ACER3: variants seen among roughly 807,000 people sequenced by gnomAD.
The protein encoded by ACER3 is alkCDase 3.
Under a neutral mutation model 48.9 loss-of-function variants are expected in ACER3, and 16 were observed. The observed-to-expected ratio is 0.33, with a 90% CI of 0.22 to 0.50. The LOEUF is 0.50. Among genes scored for constraint, ACER3 ranks in the 20% least tolerant of loss-of-function variants. The probability of loss-of-function intolerance (pLI) is 0.98; values close to 1 mark genes in which losing one functional copy is unlikely to be tolerated. For missense variants in ACER3, 227 were observed against 326.0 expected (o/e 0.70, Z 2.34); for synonymous variants, 109 against 107.8 (o/e 1.01, Z -0.07).
chr11:76,917,757 A>T (rs570457862), intron 1 of ACER3, among the ~76,000 whole-genome samples: 1 of 148,098 alleles, frequency 6.8e-6, no homozygotes, highest in Non-Finnish European at 1.5e-5. Context: ...GCTACACAGG[A>T]GGCTGAGGTG....
chr11:76,961,301 A>G (rs917685615), intron 3 of ACER3, among the ~76,000 whole-genome samples: 4 of 152,222 alleles, frequency 2.6e-5, no homozygotes, highest in African/African-American at 9.7e-5. Flanking sequence ...TGTTCAATAC[A>G]TACATATATA....
intron 1 of ACER3, among the ~76,000 whole-genome samples, chr11:76,871,291 G>C (rs1945235037): frequency 6.6e-6 from 1 of 152,176 alleles, no homozygotes; most frequent in Non-Finnish European, 1.5e-5. Flanking sequence ...AGTTTATTTT[G>C]CCAAGGTTAA....
chr11:76,938,868 T>G (rs1305392532), intron 2 of ACER3, among the ~76,000 whole-genome samples: 1 of 151,568 alleles, frequency 6.6e-6, no homozygotes. Context: ...CTTTCTGCAC[T>G]GAAAGGAACC....
intron 1 of ACER3, among the ~76,000 whole-genome samples, chr11:76,868,429 GTGTA>G (rs1945159376): frequency 2.7e-5 from 4 of 150,434 alleles, no homozygotes; most frequent in Admixed American, 6.6e-5. Context: ...GTGTGTGTGT[GTGTA>G]TAGCCCATGG....
At chr11:76,913,623 G>C (rs1460058583) in intron 1 of ACER3, among the ~76,000 whole-genome samples, 1 of 152,078 alleles carries the variant, frequency 6.6e-6, no homozygotes, top group African/African-American at 2.4e-5. Context: ...TGGCCATACT[G>C]CCCAAGGTAA....
chr11:76,980,770 C>A (rs991856590), intron 4 of ACER3, among the ~76,000 whole-genome samples: 1 of 152,174 alleles, frequency 6.6e-6, no homozygotes. Context: ...ATTTTCAGCT[C>A]TGATATTTAG....
intron 4 of ACER3, among the ~76,000 whole-genome samples, chr11:76,981,747 A>G (rs1948589078): frequency 6.6e-6 from 1 of 152,244 alleles, no homozygotes; most frequent in Non-Finnish European, 1.5e-5. Context: ...TGTTACATAT[A>G]TCATTAGTAG....
At chr11:76,879,049 A>G (rs1945459177) in intron 1 of ACER3, among the ~76,000 whole-genome samples, 1 of 152,096 alleles carries the variant, frequency 6.6e-6, no homozygotes, top group African/African-American at 2.4e-5. Flanking sequence ...GGCTCCTTTC[A>G]TATCCAGAAT....
rs1194355013 is a variant in ACER3 at position 76,961,801 on chromosome 11, T to C, written c.267+2770T>C. Among the ~76,000 whole-genome samples the C allele has an allele frequency of 1.4e-5, 2 of 143,702 alleles. 1 individual carries two copies. The highest frequency in any genetic ancestry group is 5.7e-5 in the African/African-American group (2 of 34,840). 94.3% of individuals were successfully genotyped at this position (143,702 alleles called of 152,430 possible). A position where few individuals can be genotyped will look rare whatever the true frequency, so the allele number is the denominator to read the frequency against. On this transcript the variant is annotated intron_variant, in intron 3 of 10. Transcript: ENST00000532485. ...ATAATAAATGATGTATTAAATGAAA[T>C]AATACATGAGTATAAATAAATGAAT...
At chr11:76,870,109 A>G (rs558750017) in intron 1 of ACER3, among the ~76,000 whole-genome samples, 152 of 151,722 alleles carry the variant, frequency 1.0e-3, no homozygotes, top group African/African-American at 3.6e-3. Flanking sequence ...TGATCCTTCC[A>G]ACTCAGCCTT....
chr11:76,956,583 A>G (rs1019950141), intron 2 of ACER3, among the ~76,000 whole-genome samples: 2 of 152,158 alleles, frequency 1.3e-5, no homozygotes, highest in African/African-American at 4.8e-5. Flanking sequence ...ATAATTTAAC[A>G]GTATCAAGAG....
intron 3 of ACER3, among the ~76,000 whole-genome samples, chr11:76,968,472 C>G (rs1455518042): frequency 6.6e-6 from 1 of 152,150 alleles, no homozygotes; most frequent in Non-Finnish European, 1.5e-5. Context: ...CAAAAAAGAG[C>G]CCGCATAGCC....
chr11:76,897,015 T>C (rs1400854611), intron 1 of ACER3, among the ~76,000 whole-genome samples: 2 of 152,190 alleles, frequency 1.3e-5, no homozygotes, highest in East Asian at 3.8e-4. Context: ...TGGAGTGCAG[T>C]GGTGCAATCT....
intron 2 of ACER3, among the ~76,000 whole-genome samples, chr11:76,937,678 A>G (rs934747901): frequency 2.6e-5 from 4 of 152,224 alleles, no homozygotes; most frequent in Admixed American, 1.3e-4. Context: ...AAGATGAACC[A>G]GAAAATAATG....
At chr11:76,941,012 A>AACACACACAC (rs370121849) in intron 2 of ACER3, among the ~76,000 whole-genome samples, 32 of 146,292 alleles carry the variant, frequency 2.2e-4, no homozygotes, top group South Asian at 6.7e-4. Context: ...TGTGTGTATA[A>AACACACACAC]ACACACACAC....
At chr11:77,000,918 T>TGTCTTTGCCTTTCC in intron 7 of ACER3, among the ~76,000 whole-genome samples, 1 of 152,216 alleles carries the variant, frequency 6.6e-6, no homozygotes, top group Admixed American at 6.5e-5. Flanking sequence ...ATATAAAGTT[T>TGTCTTTGCCTTTCC]AGAATAATAT....
At chr11:77,005,994 T>TACA (rs1272209642) in intron 7 of ACER3, among the ~76,000 whole-genome samples, 4 of 82,150 alleles carry the variant, frequency 4.9e-5, no homozygotes, top group Non-Finnish European at 7.6e-5. Context: ...TATATATATT[T>TACA]TTTTTTTTTT....
In ACER3 at chr11:76,978,163, C is replaced by T. The variant is rs570578200; in HGVS notation, c.320+1822C>T. Among the ~76,000 whole-genome samples, 227 of 152,310 alleles carry T rather than the reference C, an allele frequency of 1.5e-3. 1 individual carries two copies. The highest frequency in any genetic ancestry group is 2.9e-3 in the Non-Finnish European group (194 of 68,014). On this transcript the variant is annotated intron_variant, in intron 4 of 10. Transcript: ENST00000532485. ...GATGGTGGCAGGAGGCAGACAGGTT[C>T]CTGGGCAGAAAGGGGCAGTCCCCGG...
intron 1 of ACER3, among the ~76,000 whole-genome samples, chr11:76,896,888 G>C (rs1339703806): frequency 1.3e-5 from 2 of 152,092 alleles, no homozygotes; most frequent in Non-Finnish European, 2.9e-5. Flanking sequence ...AAGAAAATTA[G>C]GCTTTACACA....
Sources: allele counts gnomAD v4.1 joint callset (sites outside exome capture counted in the v4.1 genomes callset), GRCh38; gene constraint gnomAD v4.1.1; transcripts MANE v1.5; gene names NCBI Gene and HGNC (gene_info 2026-07-23, HGNC 2026-07-21).